Variants in DSCAML1 observed in about 807,000 individuals in gnomAD.
DSCAML1 encodes the protein cell adhesion molecule DSCAML1.
Under a neutral mutation model 200.5 loss-of-function variants are expected in DSCAML1, and 38 were observed. The observed-to-expected ratio is 0.19, with a 90% CI of 0.15 to 0.25. DSCAML1 has a LOEUF of 0.25. DSCAML1 is among the 10% of genes least tolerant of loss of function. The pLI, the probability that DSCAML1 is intolerant of heterozygous loss-of-function variation, is 1.00. For synonymous variants in DSCAML1, 1,215 were observed against 1,165.0 expected, an observed-to-expected ratio of 1.04 and a Z score of -0.87; for missense variants, 2,223 against 2,858.8, an observed-to-expected ratio of 0.78 and a Z score of 5.07.
intron 3 of DSCAML1, among the ~76,000 whole-genome samples, chr11:117,761,708 A>T (rs1233130551): frequency 6.6e-6 from 1 of 152,160 alleles, no homozygotes; most frequent in Non-Finnish European, 1.5e-5. Context: ...CTGTCTCTAC[A>T]AAAAATTAAA....
At chr11:117,731,618 C>T (rs2054220807) in intron 3 of DSCAML1, among the ~76,000 whole-genome samples, 1 of 152,244 alleles carries the variant, frequency 6.6e-6, no homozygotes, top group African/African-American at 2.4e-5. Context: ...ATCTGCCCTC[C>T]TCCATACTTC....
chr11:117,676,018 C>A (rs1015803073), intron 3 of DSCAML1, among the ~76,000 whole-genome samples: 2 of 152,140 alleles, frequency 1.3e-5, no homozygotes, highest in East Asian at 3.9e-4. Context: ...ATAGCACTTT[C>A]GAGCTGCAGT....
intron 3 of DSCAML1, among the ~76,000 whole-genome samples, chr11:117,736,433 T>C (rs1309001499): frequency 6.6e-6 from 1 of 152,030 alleles, no homozygotes. Context: ...CAACCAAATC[T>C]CAGAAATGAC....
intron 3 of DSCAML1, among the ~76,000 whole-genome samples, chr11:117,629,487 C>A (rs542015623): frequency 6.8e-6 from 1 of 147,288 alleles, no homozygotes; most frequent in Non-Finnish European, 1.5e-5. Context: ...CTCTCCCACC[C>A]CAAGAAGCAG....
Position 117,443,935 on chromosome 11 carries a change from G to A in DSCAML1, c.3813C>T (p.Ala1271=), listed in dbSNP as rs140317551. The part of the protein sequence containing the change: ...YLLWVAAVTS[A]GRGNSSEKVT... Reference sequence around the variant, plus strand: ...CCTTCTCGCTGCTGTTGCCCCGGCCGGCAGAGGTGACGGCGGCCACCCACA... The same window carrying A: ...CCTTCTCGCTGCTGTTGCCCCGGCCAGCAGAGGTGACGGCGGCCACCCACA... The change falls in exon 21 of 33, where the codon GCC becomes GCT. Residue 1271 remains alanine (A), a synonymous_variant. Coordinates refer to ENST00000651296, the MANE Select transcript of DSCAML1 (RefSeq NM_020693.4). 3.8e-5 allele frequency: 62 copies of A among 1,612,990 alleles called. No homozygotes were observed. Among genetic ancestry groups the A allele is most frequent in the Non-Finnish European group, 5.0e-5 (59 of 1,179,788 alleles).
At chr11:117,813,462 T>A (rs1315591111) in intron 1 of DSCAML1, among the ~76,000 whole-genome samples, 1 of 152,236 alleles carries the variant, frequency 6.6e-6, no homozygotes, top group Non-Finnish European at 1.5e-5. Context: ...CCTCGTGCTA[T>A]CTCCAAATTG....
intron 3 of DSCAML1, among the ~76,000 whole-genome samples, chr11:117,647,717 G>A (rs553685399): frequency 2.2e-4 from 34 of 152,166 alleles, no homozygotes; most frequent in African/African-American, 6.8e-4. Flanking sequence ...AGGGAAGCAG[G>A]ATATCTAAAG....
chr11:117,803,366 A>T (rs1409594961), intron 1 of DSCAML1, among the ~76,000 whole-genome samples: 3 of 152,126 alleles, frequency 2.0e-5, no homozygotes, highest in African/African-American at 7.2e-5. Context: ...AATTTTTTTT[A>T]ATTTAGAAAG....
At position 117,503,427 on chromosome 11, in the gene DSCAML1, C is replaced by T. The variant is rs952537816; in HGVS notation, c.2359+418G>A. ...AACCCAGGTTTTCTGACCTATAGCC[C>T]CTTCTTCTACATTGTGTATATGCTA... On this transcript the variant is annotated intron_variant, in intron 11 of 32. Coordinates refer to ENST00000651296, the MANE Select transcript of DSCAML1 (RefSeq NM_020693.4). This position sits in a 1 kb window ranked among gnomAD's most constrained non-coding sequence, Gnocchi z 5.2. Among the ~76,000 whole-genome samples, 3 of 152,148 alleles carry T rather than the reference C, an allele frequency of 2.0e-5. No individual in the cohort carries two copies. The highest frequency in any genetic ancestry group is 4.4e-5 in the Non-Finnish European group (3 of 68,022).
intron 3 of DSCAML1, among the ~76,000 whole-genome samples, chr11:117,650,688 T>C (rs2052612739): frequency 7.1e-6 from 1 of 140,056 alleles, no homozygotes; most frequent in Admixed American, 7.3e-5. Context: ...TGTGTGTGTG[T>C]GTGTGTGTGT....
chr11:117,495,372 A>C (rs1367112487), intron 11 of DSCAML1, among the ~76,000 whole-genome samples: 1 of 152,172 alleles, frequency 6.6e-6, no homozygotes, highest in Non-Finnish European at 1.5e-5. Flanking sequence ...CACAGACAGG[A>C]GAAGATGCTC....
Position 117,780,217 on chromosome 11 carries a change from G to GAGAA in DSCAML1, c.364+272_364+275dup, listed in dbSNP as rs1555032657. On this transcript the variant is annotated intron_variant, in intron 2 of 32. Transcript: ENST00000651296. The surrounding 1 kb of genome is among the most constrained non-coding windows in gnomAD (Gnocchi z 4.8). ...AAAGAAAGAGAAAGAAAGAGAGAGA[G>GAGAA]AGAAAGAAAGAAAGGAAAGAAAGAA... 0.059 allele frequency among the ~76,000 whole-genome samples: 4,540 copies of GAGAA among 76,620 alleles called. 432 individuals are homozygous for GAGAA. Among genetic ancestry groups the GAGAA allele is most frequent in the African/African-American group, 0.13 (2,518 of 19,992 alleles). The allele number at this position is 76,620 out of a possible 152,430, so 50.3% of individuals were successfully genotyped here. A position where few individuals can be genotyped will look rare whatever the true frequency, so the allele number is the denominator to read the frequency against.
intron 18 of DSCAML1, 145 bp downstream of exon 18, chr11:117,461,305 G>C: frequency 8.7e-7 from 1 of 1,148,672 alleles, no homozygotes. Flanking sequence ...ATCGCCCCCC[G>C]TGGTCTCCCC....
chr11:117,550,447 GTC>G (rs1344683360), intron 3 of DSCAML1, among the ~76,000 whole-genome samples: 1 of 152,176 alleles, frequency 6.6e-6, no homozygotes, highest in Non-Finnish European at 1.5e-5. Context: ...AAAGCCCAGT[GTC>G]TGGCCTGAAA....
chr11:117,755,834 T>C (rs2054679609), intron 3 of DSCAML1, among the ~76,000 whole-genome samples: 1 of 151,948 alleles, frequency 6.6e-6, no homozygotes. Flanking sequence ...CACCCTGTCA[T>C]TGAGATGAGA....
chr11:117,659,076 G>A (rs1340376809), intron 3 of DSCAML1, among the ~76,000 whole-genome samples: 1 of 152,206 alleles, frequency 6.6e-6, no homozygotes, highest in Non-Finnish European at 1.5e-5. Flanking sequence ...CCAGCTCTGG[G>A]TGAGCACTGC....
chr11:117,527,943 C>G (rs1191577001), intron 4 of DSCAML1, among the ~76,000 whole-genome samples: 5 of 152,148 alleles, frequency 3.3e-5, no homozygotes, highest in African/African-American at 1.2e-4. Context: ...ACTGAGAAGC[C>G]CTGTGACCTT....
intron 3 of DSCAML1, among the ~76,000 whole-genome samples, chr11:117,746,228 A>AG (rs2054516139): frequency 6.7e-6 from 1 of 149,530 alleles, no homozygotes; most frequent in Non-Finnish European, 1.5e-5. Flanking sequence ...TCTCAAAAAA[A>AG]AAAAAAAAAA....
At chr11:117,775,551 A>G (rs1024355585) in intron 3 of DSCAML1, among the ~76,000 whole-genome samples, 23 of 152,048 alleles carry the variant, frequency 1.5e-4, no homozygotes, top group African/African-American at 5.6e-4. Flanking sequence ...TCTGCTTGGA[A>G]CTGAGAGAAG....
Sources: gnomAD v4.1 joint callset for allele counts (sites outside exome capture counted in the v4.1 genomes callset) on GRCh38, gnomAD v4.1.1 for gene constraint, Gnocchi (gnomAD v3.1) non-coding constraint, MANE v1.5 for transcripts, NCBI Gene and HGNC (gene_info 2026-07-23, HGNC 2026-07-21) for gene names.